Variants in MMP17 observed in about 807,000 individuals in gnomAD.
The protein encoded by MMP17 is matrix metallopeptidase 17, also known as matrix metalloproteinase-17.
Under a neutral mutation model 49.1 loss-of-function variants are expected in MMP17, and 54 were observed. The observed-to-expected ratio is 1.10, with a 90% CI of 0.88 to 1.38. MMP17 has a LOEUF of 1.38. Among genes scored for constraint, MMP17 ranks in the 40% most tolerant of loss-of-function variants. The pLI is 0.00. For missense variants in MMP17, 837 were observed against 853.7 expected (o/e 0.98, Z 0.24); for synonymous variants, 397 against 383.1 (o/e 1.04, Z -0.42).
At chr12:131,837,750 G>A (rs536369128) in intron 1 of MMP17, among the ~76,000 whole-genome samples, 51 of 152,162 alleles carry the variant, frequency 3.4e-4, no homozygotes, top group Non-Finnish European at 6.5e-4. Flanking sequence ...TTGCTCTGTC[G>A]CCCAGGCTGG....
At chr12:131,837,752 C>T (rs1248209893) in intron 1 of MMP17, among the ~76,000 whole-genome samples, 2 of 152,162 alleles carry the variant, frequency 1.3e-5, no homozygotes, top group Non-Finnish European at 2.9e-5. Flanking sequence ...GCTCTGTCGC[C>T]CAGGCTGGAG....
intron 1 of MMP17, among the ~76,000 whole-genome samples, chr12:131,836,913 C>A (rs1887112282): frequency 6.6e-6 from 1 of 152,130 alleles, no homozygotes; most frequent in African/African-American, 2.4e-5. Flanking sequence ...GCCTGCCATC[C>A]CCAGGTCCCC....
intron 1 of MMP17, among the ~76,000 whole-genome samples, chr12:131,830,568 C>G (rs1162988269): frequency 6.6e-6 from 1 of 152,246 alleles, no homozygotes; most frequent in Non-Finnish European, 1.5e-5. Flanking sequence ...GGGCGGCTTC[C>G]CCGCGGGGAG....
At chr12:131,831,441 C>CCATGCCGCCCTCCA (rs1664177066) in intron 1 of MMP17, among the ~76,000 whole-genome samples, 1 of 152,074 alleles carries the variant, frequency 6.6e-6, no homozygotes, top group Non-Finnish European at 1.5e-5. Context: ...GTCCTGGCTT[C>CCATGCCGCCCTCCA]TGCCGGTGGC....
At position 131,845,455 on chromosome 12, in the gene MMP17, T is replaced by G; in HGVS notation, c.1204+6T>G. The G allele has an allele frequency of 6.4e-7, 1 of 1,556,598 alleles. No homozygotes were observed. The highest frequency in any genetic ancestry group is 8.7e-7 in the Non-Finnish European group (1 of 1,153,506). Reference sequence around the variant, plus strand: ...CAAGATCGTCTTCTTTAAAGGTGGGTGGGCCTCCCCGTCGCACTCCGGGCT... The same window carrying G: ...CAAGATCGTCTTCTTTAAAGGTGGGGGGGCCTCCCCGTCGCACTCCGGGCT... On this transcript the variant is annotated splice_donor_region_variant and intron_variant, in intron 8 of 9. Coordinates refer to ENST00000360564, the MANE Select transcript of MMP17 (RefSeq NM_016155.7).
intron 6 of MMP17, 192 bp downstream of exon 6, chr12:131,844,273 G>A (rs1004775660): frequency 6.8e-6 from 4 of 585,284 alleles, no homozygotes; most frequent in Non-Finnish European, 1.2e-5. Flanking sequence ...CAGGGGTCCT[G>A]CACAGAAATG....
At chr12:131,849,769 G>C (rs748036032) in intron 8 of MMP17, 33 bp from the exon 9 acceptor site, 1 of 1,590,792 alleles carries the variant, frequency 6.3e-7, no homozygotes, top group Non-Finnish European at 8.6e-7. Context: ...GTGGGGCCGA[G>C]CCCCGGCCCA....
Position 131,850,071 on chromosome 12 carries a change from CT to C in MMP17, c.1462+13del. On this transcript the variant is annotated intron_variant, in intron 9 of 9. Transcript: ENST00000360564. ...GCGCTGGTCCGACGGTGAGTGCCAG[CT>C]GGGGGGACGGGCCATGCGGCCTTGG... 6.2e-7 allele frequency: 1 copy of C among 1,600,496 alleles called. No individual in the cohort carries two copies. The highest frequency in any genetic ancestry group is 1.7e-4 in the Middle Eastern group (1 of 5,952).
Position 131,828,570 on chromosome 12 carries a change from CTGCTGCTGCTGG to C in MMP17, c.77_88del (p.Leu26_Ala30delinsPro), listed in dbSNP as rs1886629396. ...ACTCTCGCGGCTGCCGCTGCCGCTGCTGCTGCTGCTGGCGCTGGGGACCCGCGGGGGCTGCGC... is the reference window on the plus strand; with the variant it reads ...ACTCTCGCGGCTGCCGCTGCCGCTGCCGCTGGGGACCCGCGGGGGCTGCGC... On this transcript the variant is annotated inframe_deletion, in exon 1 of 10. Transcript: ENST00000360564. 4 of 1,031,500 alleles carry C rather than the reference CTGCTGCTGCTGG, an allele frequency of 3.9e-6. No individual in the cohort carries two copies. Among genetic ancestry groups the C allele is most frequent in the African/African-American group, 3.4e-5 (2 of 57,990 alleles). The allele number at this position is 1,031,500 out of a possible 1,614,324, so 63.9% of individuals were successfully genotyped here.
intron 6 of MMP17, 107 bp downstream of exon 6, chr12:131,844,188 A>G (rs1887574514): frequency 3.8e-5 from 35 of 923,448 alleles, no homozygotes; most frequent in Non-Finnish European, 5.8e-5. Context: ...GGAAACGCAC[A>G]GCTGTGTGGC....
chr12:131,849,312 C>G (rs556625128), intron 8 of MMP17, among the ~76,000 whole-genome samples: 1 of 152,070 alleles, frequency 6.6e-6, no homozygotes, highest in Non-Finnish European at 1.5e-5. Flanking sequence ...GGTGAAACCC[C>G]GTCTCTACTA....
At chr12:131,845,508 G>GGGAC in intron 8 of MMP17, 59 bp downstream of exon 8, 1 of 1,501,336 alleles carries the variant, frequency 6.7e-7, no homozygotes, top group Non-Finnish European at 8.9e-7. Context: ...GCCTCATGGA[G>GGGAC]GGACGGAGAG....
Position 131,851,169 on chromosome 12 carries a change from T to TC in MMP17, c.1712dup (p.Ala573GlyfsTer39). On this transcript the variant is annotated frameshift_variant, in exon 10 of 10. Transcript: ENST00000360564. LOFTEE classifies it low-confidence loss of function (END_TRUNC). ...GCTCATGCACCTCTGGGGCATCCTC[T>TC]CCCCCGGGGGCCCCAGGCCCACTGG... 1 of 1,490,430 alleles carries TC rather than the reference T, an allele frequency of 6.7e-7. No homozygotes were observed. The highest frequency in any genetic ancestry group is 9.0e-7 in the Non-Finnish European group (1 of 1,116,522). The allele number at this position is 1,490,430 out of a possible 1,614,324, so 92.3% of individuals were successfully genotyped here.
In MMP17 at chr12:131,840,771, G is replaced by A. The variant is rs776836775; in HGVS notation, c.621G>A (p.Val207=). ...GYPFDGPGGT[V]AHAFFPGHHH... ...CCTTCGACGGCCCCGGCGGCACCGT[G>A]GCCCACGCCTTCTTCCCCGGCCACC... Residue 207 remains valine, a synonymous_variant, in exon 4 of 10, where the codon GTG becomes GTA. Transcript: ENST00000360564. 3 of 1,605,144 alleles carry A rather than the reference G, an allele frequency of 1.9e-6. No homozygotes were observed. Among genetic ancestry groups the A allele is most frequent in the Admixed American group, 1.7e-5 (1 of 60,002 alleles).
intron 8 of MMP17, among the ~76,000 whole-genome samples, chr12:131,847,543 C>T (rs1428086450): frequency 6.6e-6 from 1 of 152,254 alleles, no homozygotes; most frequent in Non-Finnish European, 1.5e-5. Context: ...CCAGGGTGCC[C>T]TGTAGAGCCT....
Position 131,838,745 on chromosome 12 carries a change from G to A in MMP17, c.422+4G>A, listed in dbSNP as rs1222882697. ...ACAAGAGGAACCTGTCGTGGAGGTG[G>A]GTGTGTGGCCAGGGTGAGGAGCGGG... On this transcript the variant is annotated splice_donor_region_variant and intron_variant, in intron 3 of 9. Coordinates refer to ENST00000360564, the MANE Select transcript of MMP17 (RefSeq NM_016155.7). 3.8e-6 allele frequency: 6 copies of A among 1,561,910 alleles called. No individual in the cohort carries two copies. In the East Asian group the frequency reaches 9.5e-5, roughly 25 times the overall value.
chr12:131,835,044 G>C (rs1455248933), intron 1 of MMP17, among the ~76,000 whole-genome samples: 1 of 152,160 alleles, frequency 6.6e-6, no homozygotes, highest in Non-Finnish European at 1.5e-5. Context: ...AACCTGCAAG[G>C]CTTGTTCTGT....
intron 4 of MMP17, 106 bp downstream of exon 4, chr12:131,840,962 C>T (rs1048674516): frequency 5.2e-5 from 69 of 1,317,514 alleles, no homozygotes; most frequent in Non-Finnish European, 7.0e-5. Flanking sequence ...TGAAAACACA[C>T]GCGGCTGCTC....
At chr12:131,847,279 G>T (rs1000523412) in intron 8 of MMP17, among the ~76,000 whole-genome samples, 1 of 151,838 alleles carries the variant, frequency 6.6e-6, no homozygotes, top group East Asian at 1.9e-4. Flanking sequence ...CGGGCGTGGT[G>T]GCGGGCACCT....
Sources: gnomAD v4.1 joint callset for allele counts (sites outside exome capture counted in the v4.1 genomes callset) on GRCh38, gnomAD v4.1.1 for gene constraint, MANE v1.5 for transcripts, NCBI Gene and HGNC (gene_info 2026-07-23, HGNC 2026-07-21) for gene names.